SASH1: variants seen among roughly 807,000 people sequenced by gnomAD.
The protein encoded by SASH1 is SAM and SH3 domain containing 1.
A neutral mutation model predicts 125.2 loss-of-function variants in SASH1; 44 were observed. The observed-to-expected ratio is 0.35, with a 90% CI of 0.28 to 0.45. The LOEUF is 0.45. Among genes scored for constraint, SASH1 ranks in the 20% least tolerant of loss-of-function variants. The pLI, the probability that SASH1 is intolerant of heterozygous loss-of-function variation, is 1.00. For missense variants in SASH1, 1,426 were observed against 1,614.5 expected, an observed-to-expected ratio of 0.88 and a Z score of 2.00; for synonymous variants, 639 against 649.1, an observed-to-expected ratio of 0.98 and a Z score of 0.24.
At chr6:148,305,639 A>AG (rs1465796740) in intron 1 of SASH1, among the ~76,000 whole-genome samples, 1 of 150,646 alleles carries the variant, frequency 6.6e-6, no homozygotes, top group African/African-American at 2.4e-5. Context: ...AAAAAAAAAA[A>AG]AAAAAGAAAG....
intron 4 of SASH1, among the ~76,000 whole-genome samples, chr6:148,445,917 C>T (rs911657019): frequency 2.0e-5 from 3 of 151,912 alleles, no homozygotes; most frequent in African/African-American, 4.8e-5. Flanking sequence ...CGTTTGAAGG[C>T]AGGGGCATAT....
rs1467007374 is a variant in SASH1 at position 148,385,055 on chromosome 6, G to T, written c.157-5079G>T. On this transcript the variant is annotated intron_variant, in intron 1 of 19. Coordinates refer to ENST00000367467, the MANE Select transcript of SASH1 (RefSeq NM_015278.5). The stretch of plus-strand genomic sequence containing the variant: ...ACACACATATACATTCTTCTATTCT[G>T]TTGCCTTTCTTGGCATTTAAATCAT... Among the ~76,000 whole-genome samples the T allele has an allele frequency of 2.0e-5, 3 of 152,182 alleles. No homozygotes were observed. The East Asian group carries it at 5.8e-4, about 29-fold the overall frequency.
chr6:148,359,600 A>T (rs1209467617), intron 1 of SASH1, among the ~76,000 whole-genome samples: 2 of 152,158 alleles, frequency 1.3e-5, no homozygotes, highest in African/African-American at 4.8e-5. Flanking sequence ...TATTCCATAA[A>T]CTTAGTTGAT....
rs147647121 is a variant in SASH1 at position 148,447,363 on chromosome 6, T to C, written c.386+6956T>C. Among the ~76,000 whole-genome samples the C allele has an allele frequency of 2.6e-5, 4 of 152,356 alleles. No individual in the cohort carries two copies. In the East Asian group the frequency reaches 7.7e-4, roughly 29 times the overall value. On this transcript the variant is annotated intron_variant, in intron 4 of 19. Coordinates refer to ENST00000367467, the MANE Select transcript of SASH1 (RefSeq NM_015278.5). ...GATCGAATATAGTTTATAAATGTTC[T>C]CTGCGGACACTTACTCTCCTTGGAC...
At chr6:148,235,491 A>C in the SASH1 span, among the ~76,000 whole-genome samples, 1 of 152,206 alleles carries the variant, frequency 6.6e-6, no homozygotes, top group Non-Finnish European at 1.5e-5. Flanking sequence ...TGTTAAATTG[A>C]TTAGAAACTG....
intron 1 of SASH1, among the ~76,000 whole-genome samples, chr6:148,304,683 A>G (rs1780075217): frequency 6.6e-6 from 1 of 152,216 alleles, no homozygotes; most frequent in Non-Finnish European, 1.5e-5. Context: ...AGAACTTTTT[A>G]AAGACCTAGC....
intron 7 of SASH1, 89 bp downstream of exon 7, chr6:148,474,311 C>CCT: frequency 1.4e-6 from 1 of 712,490 alleles, no homozygotes; most frequent in Non-Finnish European, 2.5e-6. Context: ...GTATAGGAAT[C>CCT]AGGTACCCAT....
chr6:148,373,769 G>A (rs1352645733), intron 1 of SASH1, among the ~76,000 whole-genome samples: 1 of 152,114 alleles, frequency 6.6e-6, no homozygotes, highest in Non-Finnish European at 1.5e-5. Context: ...TCAGGAGTTC[G>A]AGACCAGCCT....
chr6:148,493,511 G>T (rs539992677), intron 8 of SASH1, among the ~76,000 whole-genome samples: 1 of 152,292 alleles, frequency 6.6e-6, no homozygotes, highest in African/African-American at 2.4e-5. Flanking sequence ...TAGCCCACTG[G>T]CTCGAATCAG....
rs571599407 is a variant in SASH1, at chr6:148,304,695, T to C, written n.74+32318T>C. Among the ~76,000 whole-genome samples the C allele has an allele frequency of 2.5e-4, 38 of 152,294 alleles. 1 individual carries two copies. In the South Asian group the frequency reaches 7.7e-3, roughly 31 times the overall value. On this transcript the variant is annotated intron_variant and non_coding_transcript_variant, in intron 1 of 3. Coordinates refer to the SASH1 transcript ENST00000367469. ...AAAAGAACTTTTTAAAGACCTAGCA[T>C]TAAAATTTTACAACTTCTAGAAAAG...
rs1028339841 is a variant in SASH1 at position 148,462,122 on chromosome 6, G to A, written c.387-6423G>A. Among the ~76,000 whole-genome samples, 10 of 152,022 alleles carry A rather than the reference G, an allele frequency of 6.6e-5. No individual in the cohort carries two copies. The South Asian group carries it at 8.3e-4, about 13-fold the overall frequency. On this transcript the variant is annotated intron_variant, in intron 4 of 19. Transcript: ENST00000367467. Reference sequence around the variant, plus strand: ...TGATGCAGGAAAAGACCCAGACACAGCAAAAGACCAGATTTCAAATTCAGC... The same window carrying A: ...TGATGCAGGAAAAGACCCAGACACAACAAAAGACCAGATTTCAAATTCAGC...
intron 4 of SASH1, among the ~76,000 whole-genome samples, chr6:148,442,547 T>C (rs28519074): frequency 0.42 from 63,719 of 150,238 alleles, 13,782 homozygotes; most frequent in South Asian, 0.68. Flanking sequence ...ACACACCCCC[T>C]GCCCCCCACA....
At chr6:148,412,146 A>AT (rs1298132989) in intron 2 of SASH1, among the ~76,000 whole-genome samples, 2 of 152,134 alleles carry the variant, frequency 1.3e-5, no homozygotes, top group Non-Finnish European at 2.9e-5. Flanking sequence ...AGGTGGTTCC[A>AT]TTTTTTTGCA....
At chr6:148,424,855 T>C (rs1562399713) in intron 2 of SASH1, among the ~76,000 whole-genome samples, 1 of 152,212 alleles carries the variant, frequency 6.6e-6, no homozygotes, top group Non-Finnish European at 1.5e-5. Flanking sequence ...CCTCAGCCTG[T>C]AGCATCAGTG....
At chr6:148,263,550 A>G in the SASH1 span, among the ~76,000 whole-genome samples, 2 of 152,198 alleles carry the variant, frequency 1.3e-5, no homozygotes, top group African/African-American at 4.8e-5. Context: ...AACCATTCTG[A>G]TGGAGGTGAT....
Position 148,301,055 on chromosome 6 carries a change from C to T in SASH1, n.74+28678C>T, listed in dbSNP as rs553872974. Among the ~76,000 whole-genome samples, 9 of 151,968 alleles carry T rather than the reference C, an allele frequency of 5.9e-5. No homozygotes were observed. In the South Asian group the frequency reaches 6.3e-4, roughly 11 times the overall value. ...CTGAAACCTCCTCCTCGGCCGGGCT[C>T]GGTGGCTCATACCTGTAATCCTAGC... is the stretch of plus-strand genomic sequence containing the variant. On this transcript the variant is annotated intron_variant and non_coding_transcript_variant, in intron 1 of 3. Coordinates refer to the SASH1 transcript ENST00000367469.
intron 1 of SASH1, among the ~76,000 whole-genome samples, chr6:148,324,855 T>A (rs1340577719): frequency 1.3e-5 from 2 of 152,182 alleles, no homozygotes; most frequent in African/African-American, 4.8e-5. Context: ...ACCCTAAGTC[T>A]GCTAACTCAC....
chr6:148,377,169 C>CCA (rs749557866), intron 1 of SASH1, among the ~76,000 whole-genome samples: 3 of 94,218 alleles, frequency 3.2e-5, no homozygotes, highest in African/African-American at 1.3e-4. Flanking sequence ...GACTCCGTCT[C>CCA]AAAAAAAAAA....
intron 2 of SASH1, among the ~76,000 whole-genome samples, chr6:148,429,991 G>A (rs991482616): frequency 1.3e-5 from 2 of 152,140 alleles, no homozygotes; most frequent in African/African-American, 2.4e-5. Context: ...TAGAAGAGTC[G>A]CTACCCATAG....
Sources: allele counts gnomAD v4.1 joint callset (sites outside exome capture counted in the v4.1 genomes callset), GRCh38; gene constraint gnomAD v4.1.1; transcripts MANE v1.5; gene names NCBI Gene and HGNC (gene_info 2026-07-23, HGNC 2026-07-21).